RNF217: variants seen among roughly 807,000 people sequenced by gnomAD.
RNF217 encodes the protein E3 ubiquitin-protein ligase RNF217.
A neutral mutation model predicts 57.8 loss-of-function variants in RNF217; 31 were observed. The observed-to-expected ratio is 0.54, with a 90% CI of 0.40 to 0.72. The LOEUF is 0.72. Ranked by LOEUF, RNF217 falls within the 30% of genes least tolerant of loss-of-function variation. The probability of loss-of-function intolerance (pLI) is 0.00; values close to 1 mark genes in which losing one functional copy is unlikely to be tolerated. For synonymous variants in RNF217, 313 were observed against 294.0 expected, an observed-to-expected ratio of 1.06 and a Z score of -0.66; for missense variants, 696 against 708.3, an observed-to-expected ratio of 0.98 and a Z score of 0.20.
chr6:125,024,755 CAG>C (rs940981236), intron 1 of RNF217, among the ~76,000 whole-genome samples: 3 of 148,956 alleles, frequency 2.0e-5, no homozygotes, highest in African/African-American at 5.0e-5. Flanking sequence ...AGTGGGCAGT[CAG>C]GGGGACATGG....
chr6:125,046,516 AGGT>A, intron 2 of RNF217: 1 of 449,790 alleles, frequency 2.2e-6, no homozygotes, highest in South Asian at 1.6e-5. Flanking sequence ...GAGCCTCACC[AGGT>A]GACTAATCCA....
intron 1 of RNF217, among the ~76,000 whole-genome samples, chr6:124,979,825 A>G (rs1026039746): frequency 2.0e-5 from 3 of 152,252 alleles, no homozygotes; most frequent in Non-Finnish European, 2.9e-5. Flanking sequence ...TGGCAAGAGT[A>G]GAAGCAGGGA....
Position 124,962,931 on chromosome 6 carries a change from C to T in RNF217, c.387C>T (p.Pro129=), listed in dbSNP as rs770859308. The stretch of plus-strand genomic sequence containing the variant: ...GGGATGAACAGCAGGAGGCGCCCCC[C>T]GGCGAAGAGCTGGAGCCCAGGACCC... ...EGGDEQQEAP[P]GEELEPRTRV... Residue 129 remains proline, a synonymous_variant, in exon 1 of 6, where the codon CCC becomes CCT. Coordinates refer to ENST00000521654, the MANE Select transcript of RNF217 (RefSeq NM_001286398.3). The surrounding 1 kb of genome is among the most constrained non-coding windows in gnomAD (Gnocchi z 4.6). 5.0e-6 allele frequency: 8 copies of T among 1,597,926 alleles called. No individual in the cohort carries two copies. Among genetic ancestry groups the T allele is most frequent in the Non-Finnish European group, 6.8e-6 (8 of 1,179,592 alleles).
At chr6:124,965,508 G>A (rs1220341085) in intron 1 of RNF217, among the ~76,000 whole-genome samples, 1 of 152,160 alleles carries the variant, frequency 6.6e-6, no homozygotes, top group Non-Finnish European at 1.5e-5. Flanking sequence ...AGGAGGCAGA[G>A]GTTGCAGTGA....
chr6:124,989,345 A>G (rs182774729), intron 1 of RNF217, among the ~76,000 whole-genome samples: 1 of 152,224 alleles, frequency 6.6e-6, no homozygotes, highest in South Asian at 2.1e-4. Context: ...CCTTCAAAGC[A>G]TGACACTTGA....
chr6:125,013,402 G>A (rs565419971), intron 1 of RNF217, among the ~76,000 whole-genome samples: 2 of 150,668 alleles, frequency 1.3e-5, no homozygotes, highest in African/African-American at 2.5e-5. Context: ...GTTTTTGAGA[G>A]CATGGTCGTG....
chr6:125,047,032 A>G (rs547855701), intron 2 of RNF217, among the ~76,000 whole-genome samples: 5 of 152,192 alleles, frequency 3.3e-5, no homozygotes, highest in African/African-American at 9.6e-5. Flanking sequence ...TTCATGCTAT[A>G]TATCCTTAGA....
rs146229003 is a variant in RNF217 at position 124,988,558 on chromosome 6, A to G, written c.882+25132A>G. Among the ~76,000 whole-genome samples the G allele has an allele frequency of 2.9e-3, 444 of 152,342 alleles. 2 individuals carry two copies. Among genetic ancestry groups the G allele is most frequent in the African/African-American group, 0.01 (422 of 41,566 alleles). On this transcript the variant is annotated intron_variant, in intron 1 of 5. Transcript: ENST00000521654. Reference sequence around the variant, plus strand: ...CTGCTGATAAGTAATACAGTGAATAACCACAACCGTTAAAAACCCAAAATG... The same window carrying G: ...CTGCTGATAAGTAATACAGTGAATAGCCACAACCGTTAAAAACCCAAAATG...
At chr6:124,996,146 G>A (rs1057273706) in intron 1 of RNF217, among the ~76,000 whole-genome samples, 6 of 152,122 alleles carry the variant, frequency 3.9e-5, no homozygotes, top group African/African-American at 1.4e-4. Context: ...CACAGCTGAT[G>A]AAAGTTCCCA....
intron 3 of RNF217, among the ~76,000 whole-genome samples, chr6:125,058,956 G>A (rs1787626150): frequency 6.6e-6 from 1 of 152,084 alleles, no homozygotes; most frequent in Non-Finnish European, 1.5e-5. Flanking sequence ...GCACAATTCT[G>A]CAATTACTTC....
chr6:124,995,589 T>G (rs1414922593), intron 1 of RNF217, among the ~76,000 whole-genome samples: 1 of 152,196 alleles, frequency 6.6e-6, no homozygotes, highest in East Asian at 1.9e-4. Context: ...GAGTTTGTTG[T>G]ATGAATATAA....
In RNF217 at chr6:125,088,441, A is replaced by T. The variant is rs1788836949; in HGVS notation, c.*5504A>T. 1 of 152,162 alleles carries T rather than the reference A, an allele frequency of 6.6e-6. No homozygotes were observed. The highest frequency in any genetic ancestry group is 1.5e-5 in the Non-Finnish European group (1 of 68,018). 9.4% of individuals were successfully genotyped at this position (152,162 alleles called of 1,614,324 possible). ...CTATTGTTACTAATTGTAAGGCTGT[A>T]ACTTTGGTTGACTTCATCCAAATCC... On this transcript the variant is annotated 3_prime_UTR_variant, in exon 6 of 6. Transcript: ENST00000521654.
intron 1 of RNF217, among the ~76,000 whole-genome samples, chr6:124,991,081 A>T (rs1190920257): frequency 1.3e-5 from 2 of 151,998 alleles, no homozygotes; most frequent in African/African-American, 4.8e-5. Context: ...AAAATGTAAG[A>T]CCTGACATGT....
intron 2 of RNF217, 116 bp from the exon 3 acceptor site, chr6:125,057,826 G>A (rs1787578499): frequency 2.6e-6 from 2 of 770,816 alleles, no homozygotes; most frequent in African/African-American, 3.5e-5. Flanking sequence ...TCTTATAGAG[G>A]GGGAGGTATT....
intron 1 of RNF217, among the ~76,000 whole-genome samples, chr6:124,989,632 C>G (rs1414078306): frequency 3.9e-4 from 2 of 5,162 alleles, no homozygotes. Flanking sequence ...TTTGTAAACA[C>G]TTAAATTTGA....
chr6:124,997,016 T>G (rs1582687073), intron 1 of RNF217, among the ~76,000 whole-genome samples: 1 of 151,516 alleles, frequency 6.6e-6, no homozygotes, highest in East Asian at 1.9e-4. Context: ...GTAGCACTCC[T>G]GCAAGTTTAG....
At chr6:125,055,280 C>T (rs1238786508) in intron 2 of RNF217, among the ~76,000 whole-genome samples, 1 of 152,118 alleles carries the variant, frequency 6.6e-6, no homozygotes, top group African/African-American at 2.4e-5. Flanking sequence ...GAGACTGCCC[C>T]ATAACTCTGG....
chr6:124,963,505 T>G, intron 1 of RNF217, 79 bp downstream of exon 1: 5 of 1,414,054 alleles, frequency 3.5e-6, no homozygotes, highest in Non-Finnish European at 4.6e-6. Context: ...CTGATCTCCC[T>G]GCTCGCGCGA....
At chr6:124,999,195 T>C (rs565579817) in intron 1 of RNF217, among the ~76,000 whole-genome samples, 1 of 152,324 alleles carries the variant, frequency 6.6e-6, no homozygotes, top group African/African-American at 2.4e-5. Context: ...GGCTGATCTT[T>C]GGTATATTTC....
Sources: allele counts gnomAD v4.1 joint callset (sites outside exome capture counted in the v4.1 genomes callset), GRCh38; gene constraint gnomAD v4.1.1; non-coding constraint Gnocchi (gnomAD v3.1); transcripts MANE v1.5; gene names NCBI Gene and HGNC (gene_info 2026-07-23, HGNC 2026-07-21).